CACNG2: variants seen among roughly 807,000 people sequenced by gnomAD.
The protein encoded by CACNG2 is calcium voltage-gated channel auxiliary subunit gamma 2.
A neutral mutation model predicts 25.9 loss-of-function variants in CACNG2; 3 were observed. The observed-to-expected ratio is 0.12, with a 90% confidence interval of 0.05 to 0.30. The LOEUF (loss-of-function observed/expected upper bound fraction) is 0.30, where lower values mean the gene tolerates loss of function less well. CACNG2 is among the 10% of genes least tolerant of loss of function. The probability of loss-of-function intolerance (pLI) is 1.00; values close to 1 mark genes in which losing one functional copy is unlikely to be tolerated. For missense variants in CACNG2, 341 were observed against 432.5 expected (o/e 0.79, Z 1.88); for synonymous variants, 167 against 173.3 (o/e 0.96, Z 0.29).
intron 1 of CACNG2, among the ~76,000 whole-genome samples, chr22:36,693,943 T>C (rs1937298831): frequency 2.0e-5 from 3 of 152,218 alleles, no homozygotes; most frequent in African/African-American, 7.2e-5. Flanking sequence ...AGGGCACAGA[T>C]TGAGTCTTTC....
chr22:36,584,211 G>T (rs1447179194), intron 2 of CACNG2, among the ~76,000 whole-genome samples: 1 of 152,182 alleles, frequency 6.6e-6, no homozygotes, highest in Non-Finnish European at 1.5e-5. Flanking sequence ...CAGCACTTTG[G>T]CAGGCTGAGG....
chr22:36,579,048 G>T lies in CACNG2; in HGVS notation c.295+8417C>A, dbSNP rs1311879783. The stretch of plus-strand genomic sequence containing the variant: ...GCAGTAATGTTTGCCCCATCTGCCA[G>T]CCAGAACTCCTCGCCATCCACAAGA... On this transcript the variant is annotated intron_variant, in intron 2 of 3. Transcript: ENST00000300105. Among the ~76,000 whole-genome samples, 2 of 152,248 alleles carry T rather than the reference G, an allele frequency of 1.3e-5. 1 individual carries two copies. Among genetic ancestry groups the T allele is most frequent in the South Asian group, 4.1e-4 (2 of 4,828 alleles).
At chr22:36,688,717 G>T (rs1478210118) in intron 1 of CACNG2, among the ~76,000 whole-genome samples, 4 of 152,034 alleles carry the variant, frequency 2.6e-5, no homozygotes, top group Admixed American at 2.0e-4. Flanking sequence ...GCAGGGGTGG[G>T]ATTTAGATCC....
At chr22:36,588,618 G>T (rs1337882107) in intron 1 of CACNG2, among the ~76,000 whole-genome samples, 2 of 152,178 alleles carry the variant, frequency 1.3e-5, no homozygotes, top group Non-Finnish European at 2.9e-5. Flanking sequence ...TAAGATGCAG[G>T]TTGCACAGCC....
At chr22:36,661,832 G>A (rs1010423311) in intron 1 of CACNG2, among the ~76,000 whole-genome samples, 12 of 152,074 alleles carry the variant, frequency 7.9e-5, no homozygotes, top group African/African-American at 2.4e-4. Context: ...ATGGAACCTT[G>A]GCCAAGCCTC....
Position 36,703,480 on chromosome 22 carries a change from C to T in CACNG2, c.-904G>A, listed in dbSNP as rs1224571666. The T allele has an allele frequency of 6.6e-6, 1 of 152,426 alleles. No homozygotes were observed. Among genetic ancestry groups the T allele is most frequent in the Admixed American group, 6.5e-5 (1 of 15,280 alleles). The allele number at this position is 152,426 out of a possible 1,614,324, so 9.4% of individuals were successfully genotyped here. ...GGGCCGCGCGCCTGCCCCCCACTCGCTACCGGCTGGGCGCCCGCGGAGGCG... is the reference window on the plus strand; with the variant it reads ...GGGCCGCGCGCCTGCCCCCCACTCGTTACCGGCTGGGCGCCCGCGGAGGCG... On this transcript the variant is annotated 5_prime_UTR_variant, in exon 1 of 4. Coordinates refer to ENST00000300105, the MANE Select transcript of CACNG2 (RefSeq NM_006078.5).
chr22:36,665,326 C>T (rs757659052), intron 1 of CACNG2, among the ~76,000 whole-genome samples: 4 of 152,188 alleles, frequency 2.6e-5, no homozygotes, highest in East Asian at 1.9e-4. Context: ...CCCTTCTAGA[C>T]GTCCCTTTCC....
chr22:36,595,483 G>A lies in CACNG2; in HGVS notation c.212-7935C>T, dbSNP rs1761058735. Among the ~76,000 whole-genome samples, 3 of 152,332 alleles carry A rather than the reference G, an allele frequency of 2.0e-5. 1 individual carries two copies. The South Asian group carries it at 6.2e-4, about 32-fold the overall frequency. On this transcript the variant is annotated intron_variant, in intron 1 of 3. Transcript: ENST00000300105. ...GCCCAGGGAGCTGATTGTTAAACAT[G>A]TACCAGCACACCACTGGATGAAGGG... is the stretch of plus-strand genomic sequence containing the variant.
At position 36,638,251 on chromosome 22, in the gene CACNG2, G is replaced by A. The variant is rs551115853; in HGVS notation, c.212-50703C>T. On this transcript the variant is annotated intron_variant, in intron 1 of 3. Coordinates refer to ENST00000300105, the MANE Select transcript of CACNG2 (RefSeq NM_006078.5). The stretch of plus-strand genomic sequence containing the variant: ...CTGCCTGTTTCTTGCTTCCTTCTCT[G>A]CTCGCATTGCCCACAGAACAGGAGC... 7.9e-5 allele frequency among the ~76,000 whole-genome samples: 12 copies of A among 152,232 alleles called. No homozygotes were observed. In the South Asian group the frequency reaches 1.9e-3, roughly 24 times the overall value.
At chr22:36,648,311 A>G (rs1936558313) in intron 1 of CACNG2, among the ~76,000 whole-genome samples, 1 of 152,264 alleles carries the variant, frequency 6.6e-6, no homozygotes, top group South Asian at 2.1e-4. Flanking sequence ...ATGCTCTGCA[A>G]ATTAAGCAAC....
At chr22:36,590,402 C>T (rs189293018) in intron 1 of CACNG2, among the ~76,000 whole-genome samples, 1 of 152,272 alleles carries the variant, frequency 6.6e-6, no homozygotes, top group Admixed American at 6.5e-5. Context: ...TCTAGCCTGG[C>T]ACTCTGGAGG....
intron 1 of CACNG2, among the ~76,000 whole-genome samples, chr22:36,629,880 G>A (rs76021452): frequency 0.015 from 2,265 of 152,280 alleles, 33 homozygotes; most frequent in Non-Finnish European, 0.023. Context: ...CTTTCAAATG[G>A]TGATGTGTCG....
chr22:36,576,501 C>T (rs185884921), intron 2 of CACNG2, among the ~76,000 whole-genome samples: 1 of 151,330 alleles, frequency 6.6e-6, no homozygotes, highest in African/African-American at 2.4e-5. Flanking sequence ...TAACCAAACA[C>T]CACCTGTTCC....
At chr22:36,664,514 C>A (rs1186504096) in intron 1 of CACNG2, among the ~76,000 whole-genome samples, 1 of 152,170 alleles carries the variant, frequency 6.6e-6, no homozygotes, top group Non-Finnish European at 1.5e-5. Flanking sequence ...GGATGGACAC[C>A]ACCTACACCC....
intron 1 of CACNG2, among the ~76,000 whole-genome samples, chr22:36,635,273 G>A (rs1936337550): frequency 2.2e-5 from 3 of 139,054 alleles, no homozygotes; most frequent in Admixed American, 7.2e-5. Flanking sequence ...AACAGAGCGA[G>A]ACCCCGTCTC....
intron 1 of CACNG2, among the ~76,000 whole-genome samples, chr22:36,646,293 G>C (rs901714021): frequency 2.2e-4 from 33 of 152,206 alleles, no homozygotes; most frequent in African/African-American, 7.0e-4. Context: ...TCAAGTTTGA[G>C]ATAGTGACAT....
chr22:36,595,711 A>G (rs954215037), intron 1 of CACNG2, among the ~76,000 whole-genome samples: 1 of 152,212 alleles, frequency 6.6e-6, no homozygotes, highest in African/African-American at 2.4e-5. Context: ...AAGGGGATGC[A>G]GGGAAGACTC....
At chr22:36,587,582 A>T (rs370856595) in intron 1 of CACNG2, 34 bp from the exon 2 acceptor site, 2 of 1,535,136 alleles carry the variant, frequency 1.3e-6, no homozygotes, top group Non-Finnish European at 1.8e-6. Flanking sequence ...CACATGAAAC[A>T]TCATAGTTTT....
chr22:36,582,650 C>A (rs1055471360), intron 2 of CACNG2, among the ~76,000 whole-genome samples: 7 of 151,432 alleles, frequency 4.6e-5, no homozygotes, highest in Non-Finnish European at 1.0e-4. Context: ...CTCAGGTGAT[C>A]TGCCCACCTT....
Sources: allele counts gnomAD v4.1 joint callset (sites outside exome capture counted in the v4.1 genomes callset), GRCh38; gene constraint gnomAD v4.1.1; transcripts MANE v1.5; gene names NCBI Gene and HGNC (gene_info 2026-07-23, HGNC 2026-07-21).